Variants in VAT1L observed in about 807,000 individuals in gnomAD.
The protein encoded by VAT1L is putative NADPH-dependent quinone oxidoreductase VAT1L.
A neutral mutation model predicts 44.1 loss-of-function variants in VAT1L; 34 were observed. That is an observed-to-expected ratio of 0.77 (90% confidence interval 0.59 to 1.03). VAT1L has a LOEUF of 1.03. Ranked by LOEUF, VAT1L falls within the 50% of genes least tolerant of loss-of-function variation. The pLI is 0.00. For synonymous variants in VAT1L, 253 were observed against 202.2 expected, an observed-to-expected ratio of 1.25 and a Z score of -2.13; for missense variants, 615 against 538.8, an observed-to-expected ratio of 1.14 and a Z score of -1.40.
chr16:77,975,056 A>G (rs1036066511), intron 8 of VAT1L, among the ~76,000 whole-genome samples: 16 of 152,070 alleles, frequency 1.1e-4, no homozygotes, highest in African/African-American at 3.9e-4. Flanking sequence ...CAGTGAGGTC[A>G]TTTTAGGGTT....
intron 3 of VAT1L, among the ~76,000 whole-genome samples, chr16:77,844,617 C>T (rs866795970): frequency 2.6e-5 from 4 of 152,046 alleles, no homozygotes; most frequent in Non-Finnish European, 4.4e-5. Context: ...CCATGTTGGC[C>T]GAGCTGGTCT....
intron 7 of VAT1L, among the ~76,000 whole-genome samples, chr16:77,896,811 T>C (rs1275411554): frequency 6.6e-6 from 1 of 152,180 alleles, no homozygotes; most frequent in African/African-American, 2.4e-5. Flanking sequence ...ACATTCCTGT[T>C]ACAAAGAAAA....
chr16:77,933,085 C>T (rs1237593724), intron 7 of VAT1L, among the ~76,000 whole-genome samples: 1 of 152,186 alleles, frequency 6.6e-6, no homozygotes, highest in Admixed American at 6.5e-5. Context: ...TGGAAAAGTA[C>T]AAATCTTTCC....
Position 77,833,721 on chromosome 16 carries a change from G to A in VAT1L, c.579+8260G>A, listed in dbSNP as rs113735304. ...AGCCGGGATCACACCATTGCACTCCGGCCTGGTGACAAAGTGAGACTCTGT... is the reference window on the plus strand; with the variant it reads ...AGCCGGGATCACACCATTGCACTCCAGCCTGGTGACAAAGTGAGACTCTGT... On this transcript the variant is annotated intron_variant, in intron 3 of 8. Transcript: ENST00000302536. Among the ~76,000 whole-genome samples, 411 of 151,746 alleles carry A rather than the reference G, an allele frequency of 2.7e-3. 3 individuals are homozygous for A. Among genetic ancestry groups the A allele is most frequent in the Middle Eastern group, 0.01 (3 of 294 alleles).
intron 1 of VAT1L, among the ~76,000 whole-genome samples, chr16:77,804,433 T>C (rs1403684350): frequency 6.6e-6 from 1 of 152,198 alleles, no homozygotes; most frequent in African/African-American, 2.4e-5. Flanking sequence ...ATTCTCAATA[T>C]GTCTCCTGGC....
chr16:77,814,317 C>T (rs994790070), intron 1 of VAT1L, among the ~76,000 whole-genome samples: 2 of 152,176 alleles, frequency 1.3e-5, no homozygotes, highest in Admixed American at 6.5e-5. Flanking sequence ...TCCTAGTCTC[C>T]GTCTCCAAAA....
At chr16:77,869,169 A>G (rs1194169391) in intron 4 of VAT1L, among the ~76,000 whole-genome samples, 2 of 152,138 alleles carry the variant, frequency 1.3e-5, no homozygotes, top group Non-Finnish European at 2.9e-5. Context: ...GCCTATAGAG[A>G]TTTTGAAGGA....
At chr16:77,918,960 C>T (rs2017581367) in intron 7 of VAT1L, among the ~76,000 whole-genome samples, 1 of 152,098 alleles carries the variant, frequency 6.6e-6, no homozygotes, top group Admixed American at 6.5e-5. Context: ...AGGCACCATC[C>T]ATCATTCCTT....
chr16:77,968,827 C>CT (rs1244035902), intron 7 of VAT1L, among the ~76,000 whole-genome samples: 71 of 149,924 alleles, frequency 4.7e-4, no homozygotes, highest in Middle Eastern at 6.9e-3. Context: ...AGAATCAATT[C>CT]TTTTTTTTTT....
intron 1 of VAT1L, chr16:77,801,574 C>T (rs899196343): frequency 1.3e-5 from 2 of 152,166 alleles, no homozygotes. Flanking sequence ...GCCCCACTGG[C>T]CCAGATAGTC....
At chr16:77,937,043 C>T (rs2017808226) in intron 7 of VAT1L, among the ~76,000 whole-genome samples, 3 of 152,142 alleles carry the variant, frequency 2.0e-5, no homozygotes. Context: ...TGCCACCACG[C>T]CCGGCTAACT....
rs564536977 is a variant in VAT1L at position 77,836,490 on chromosome 16, C to T, written c.579+11029C>T. The stretch of plus-strand genomic sequence containing the variant: ...CAGCAGGAAGGGCTATGGCTGGGGA[C>T]TCACTGGAATGATTAAGACCCTCTT... On this transcript the variant is annotated intron_variant, in intron 3 of 8. Transcript: ENST00000302536. Among the ~76,000 whole-genome samples, 3 of 152,210 alleles carry T rather than the reference C, an allele frequency of 2.0e-5. No individual in the cohort carries two copies. In the East Asian group the frequency reaches 5.8e-4, roughly 29 times the overall value.
chr16:77,818,554 G>T (rs57122249), intron 2 of VAT1L, among the ~76,000 whole-genome samples: 4,221 of 152,164 alleles, frequency 0.028, 114 homozygotes, highest in Admixed American at 0.067. Context: ...AGCTCACTCC[G>T]TTAACCCCAA....
Position 77,788,682 on chromosome 16 carries a change from C to T in VAT1L, c.-1C>T. 2 of 1,549,326 alleles carry T rather than the reference C, an allele frequency of 1.3e-6. No homozygotes were observed. The highest frequency in any genetic ancestry group is 8.7e-7 in the Non-Finnish European group (1 of 1,146,460). ...CCGTGCGCCCCGCGCCCTCGAGCGC[C>T]ATGGCCAAGGAAGGCGTGGAGAAGG... On this transcript the variant is annotated 5_prime_UTR_variant, in exon 1 of 9. Transcript: ENST00000302536.
chr16:77,797,043 G>A (rs2015948211), intron 1 of VAT1L, among the ~76,000 whole-genome samples: 2 of 152,094 alleles, frequency 1.3e-5, no homozygotes, highest in Non-Finnish European at 2.9e-5. Flanking sequence ...TGGGGCAGTG[G>A]GTGCACTAAA....
At chr16:77,971,780 T>C in intron 7 of VAT1L, 70 bp from the exon 8 acceptor site, 1 of 1,527,698 alleles carries the variant, frequency 6.5e-7, no homozygotes, top group Non-Finnish European at 8.9e-7. Flanking sequence ...GTTTGAGTTC[T>C]CCAGGCCCCC....
At chr16:77,864,767 A>G (rs1374717656) in intron 4 of VAT1L, among the ~76,000 whole-genome samples, 2 of 152,118 alleles carry the variant, frequency 1.3e-5, no homozygotes, top group Non-Finnish European at 2.9e-5. Flanking sequence ...CTTAGTTTTC[A>G]GATTTATTTT....
chr16:77,937,309 C>T (rs1039505397), intron 7 of VAT1L, among the ~76,000 whole-genome samples: 5 of 152,186 alleles, frequency 3.3e-5, no homozygotes, highest in African/African-American at 1.2e-4. Flanking sequence ...GGCGGGTGGC[C>T]AGAGACCTTC....
chr16:77,865,228 C>T (rs1251015152), intron 4 of VAT1L, among the ~76,000 whole-genome samples: 1 of 152,090 alleles, frequency 6.6e-6, no homozygotes, highest in Non-Finnish European at 1.5e-5. Flanking sequence ...CCATCTTGGC[C>T]TCCCAAAGTG....
Sources: gnomAD v4.1 joint callset for allele counts (sites outside exome capture counted in the v4.1 genomes callset) on GRCh38, gnomAD v4.1.1 for gene constraint, MANE v1.5 for transcripts, NCBI Gene and HGNC (gene_info 2026-07-23, HGNC 2026-07-21) for gene names.